LMBR1: variants seen among roughly 807,000 people sequenced by gnomAD.
LMBR1 encodes the protein limb development membrane protein 1, also known as limb region 1 protein homolog.
LMBR1 carries 52 observed loss-of-function variants against 73.9 expected under a neutral mutation model. The observed-to-expected ratio is 0.70, with a 90% CI of 0.56 to 0.89. The LOEUF is 0.89. Ranked by LOEUF, LMBR1 falls within the 40% of genes least tolerant of loss-of-function variation. The pLI is 0.00. For synonymous variants in LMBR1, 215 were observed against 209.4 expected, an observed-to-expected ratio of 1.03 and a Z score of -0.23; for missense variants, 539 against 579.8, an observed-to-expected ratio of 0.93 and a Z score of 0.72.
intron 1 of LMBR1, among the ~76,000 whole-genome samples, chr7:156,885,307 C>T (rs1012670431): frequency 7.3e-5 from 11 of 151,152 alleles, no homozygotes; most frequent in African/African-American, 2.4e-4. Flanking sequence ...GAGCCAGGAT[C>T]GCTCCACTGC....
chr7:156,718,217 T>A (rs144279605), intron 15 of LMBR1, among the ~76,000 whole-genome samples: 2 of 151,770 alleles, frequency 1.3e-5, no homozygotes, highest in Non-Finnish European at 2.9e-5. Context: ...CTGGGCAATA[T>A]GGCATAACCC....
At chr7:156,875,289 A>G (rs1799987847) in intron 1 of LMBR1, among the ~76,000 whole-genome samples, 1 of 152,230 alleles carries the variant, frequency 6.6e-6, no homozygotes, top group African/African-American at 2.4e-5. Context: ...GTAAGAAAAA[A>G]TGAACAACGC....
chr7:156,758,013 TGAGG>T (rs1319875481), intron 8 of LMBR1, among the ~76,000 whole-genome samples: 1 of 152,048 alleles, frequency 6.6e-6, no homozygotes, highest in East Asian at 1.9e-4. Flanking sequence ...GACCATCCTA[TGAGG>T]AAGAAAGGAA....
In LMBR1 at chr7:156,683,907, A is replaced by C. The variant is rs576409555; in HGVS notation, c.*171T>G. ...GTCCATCAGAAAGTTAAATTTAAAA[A>C]AGATCAGCCATAGCCAAGTTCTTCG... On this transcript the variant is annotated 3_prime_UTR_variant, in exon 17 of 17. Coordinates refer to ENST00000353442, the MANE Select transcript of LMBR1 (RefSeq NM_022458.4). 38 of 618,130 alleles carry C rather than the reference A, an allele frequency of 6.1e-5. No individual in the cohort carries two copies. The Admixed American group carries it at 1.0e-3, about 17-fold the overall frequency. The allele number at this position is 618,130 out of a possible 1,614,324, so 38.3% of individuals were successfully genotyped here. A position where few individuals can be genotyped will look rare whatever the true frequency, so the allele number is the denominator to read the frequency against.
chr7:156,672,481 C>G (rs1802771690), intron 4 of LMBR1, among the ~76,000 whole-genome samples: 1 of 152,142 alleles, frequency 6.6e-6, no homozygotes, highest in African/African-American at 2.4e-5. Context: ...TTAGGAGTCA[C>G]CCAACACAGT....
Position 156,763,189 on chromosome 7 carries a change from A to G in LMBR1, c.551-13T>C, listed in dbSNP as rs746184204. 2.9e-5 allele frequency: 34 copies of G among 1,169,152 alleles called. No homozygotes were observed. The South Asian group carries it at 4.8e-4, about 17-fold the overall frequency. 72.4% of individuals were successfully genotyped at this position (1,169,152 alleles called of 1,614,324 possible). A position where few individuals can be genotyped will look rare whatever the true frequency, so the allele number is the denominator to read the frequency against. On this transcript the variant is annotated splice_polypyrimidine_tract_variant and intron_variant, in intron 6 of 16. Transcript: ENST00000353442. ...AACTCCCAGAGATCTATTAAAAAAA[A>G]GTAAATATATTTTAATAAATCCAAA...
downstream of LMBR1, chr7:156,676,507 C>G: frequency 1.2e-6 from 2 of 1,614,040 alleles, no homozygotes; most frequent in Non-Finnish European, 1.7e-6. Flanking sequence ...GGCAGGCGTT[C>G]CAGAGAGATG....
chr7:156,736,669 T>C, intron 9 of LMBR1: 1 of 448,566 alleles, frequency 2.2e-6, no homozygotes, highest in South Asian at 1.6e-5. Context: ...CACTCCTCCC[T>C]TTCTCTCAAT....
At position 156,728,746 on chromosome 7, in the gene LMBR1, A is replaced by G. The variant is rs575870994; in HGVS notation, c.839-26T>C. ...CTATTAAAAGGAAAAACAAAATAAA[A>G]CAAAGTTTTCTCCAAATTAACATTT... On this transcript the variant is annotated intron_variant, in intron 10 of 16. Transcript: ENST00000353442. The G allele has an allele frequency of 5.3e-6, 8 of 1,502,530 alleles. No individual in the cohort carries two copies. In the South Asian group the frequency reaches 9.8e-5, roughly 18 times the overall value. 93.1% of individuals were successfully genotyped at this position (1,502,530 alleles called of 1,614,324 possible). A position where few individuals can be genotyped will look rare whatever the true frequency, so the allele number is the denominator to read the frequency against.
At chr7:156,866,276 C>A (rs1054113796) in intron 1 of LMBR1, among the ~76,000 whole-genome samples, 2 of 151,940 alleles carry the variant, frequency 1.3e-5, no homozygotes, top group Admixed American at 6.6e-5. Flanking sequence ...CGATTGCAAT[C>A]CAGGATATGT....
At chr7:156,850,740 A>C (rs1436534693) in intron 1 of LMBR1, among the ~76,000 whole-genome samples, 1 of 152,252 alleles carries the variant, frequency 6.6e-6, no homozygotes, top group Non-Finnish European at 1.5e-5. Context: ...ACAAGGATGT[A>C]TATATAAAGA....
intron 15 of LMBR1, among the ~76,000 whole-genome samples, chr7:156,710,220 T>C (rs1585306978): frequency 6.6e-6 from 1 of 152,120 alleles, no homozygotes; most frequent in East Asian, 1.9e-4. Context: ...GGTTGATTAT[T>C]AAGCTACTCA....
At chr7:156,887,618 C>A (rs1802150756) in intron 1 of LMBR1, among the ~76,000 whole-genome samples, 1 of 151,968 alleles carries the variant, frequency 6.6e-6, no homozygotes, top group Admixed American at 6.6e-5. Flanking sequence ...GTGATGAATT[C>A]TTGGATATGA....
At chr7:156,716,403 T>C (rs886378163) in intron 15 of LMBR1, among the ~76,000 whole-genome samples, 5 of 152,226 alleles carry the variant, frequency 3.3e-5, no homozygotes, top group Admixed American at 2.6e-4. Flanking sequence ...AAATTAAATT[T>C]AGTCGTCCAG....
chr7:156,855,640 T>G (rs11768602), intron 1 of LMBR1, among the ~76,000 whole-genome samples: 34,801 of 125,532 alleles, frequency 0.28, 4,709 homozygotes, highest in East Asian at 0.45. Flanking sequence ...TCCAGAAAGC[T>G]CACAGACCAA....
intron 4 of LMBR1, among the ~76,000 whole-genome samples, chr7:156,825,901 TAG>T (rs1347902552): frequency 6.6e-6 from 1 of 152,260 alleles, no homozygotes; most frequent in Non-Finnish European, 1.5e-5. Flanking sequence ...GTACTTGACA[TAG>T]AGTGTTTTTC....
Position 156,725,475 on chromosome 7 carries a change from C to T in LMBR1, c.1118G>A (p.Gly373Glu). The change falls in exon 14 of 17, where the codon GGA becomes GAA. Residue 373 changes from glycine to glutamate, a missense_variant. By Grantham distance (98) the Gly-to-Glu change is moderately conservative. This residue lies in a region of LMBR1 where 454 missense variants were observed against 473.4 expected (regional missense o/e 0.96). Transcript: ENST00000353442. ...VVGFYSLRFF[G>E]NFTPKKDDTT... ...GTCATCTTTCTTGGGAGTAAAGTTT[C>T]CAAAAAATCGAAGGCTATAGAAGCC... 6.2e-7 allele frequency: 1 copy of T among 1,610,630 alleles called. No individual in the cohort carries two copies.
chr7:156,835,764 T>C (rs1837535153), intron 2 of LMBR1, among the ~76,000 whole-genome samples: 1 of 152,076 alleles, frequency 6.6e-6, no homozygotes, highest in Non-Finnish European at 1.5e-5. Context: ...TTCACTTCTA[T>C]TCCCAGCACA....
chr7:156,691,012 G>C (rs981544030), intron 15 of LMBR1, among the ~76,000 whole-genome samples: 1 of 152,138 alleles, frequency 6.6e-6, no homozygotes, highest in Admixed American at 6.5e-5. Flanking sequence ...GCAATCATTT[G>C]ACAAATGTAA....
Sources: gnomAD v4.1 joint callset for allele counts (sites outside exome capture counted in the v4.1 genomes callset) on GRCh38, gnomAD v4.1.1 for gene constraint, gnomAD v4.1.1 regional missense constraint, MANE v1.5 for transcripts, NCBI Gene and HGNC (gene_info 2026-07-23, HGNC 2026-07-21) for gene names.